Variants in SUPT3H observed in about 807,000 individuals in gnomAD.
SUPT3H encodes SPT3 homolog, SAGA and STAGA complex component, also known as transcription initiation protein SPT3 homolog.
In SUPT3H, 44 loss-of-function variants were observed where a neutral mutation model predicts 44.3. The ratio of observed to expected loss-of-function variants is 0.99; its 90% CI spans 0.78 to 1.28. SUPT3H has a LOEUF of 1.28. SUPT3H is among the 50% of genes most tolerant of loss of function. The pLI is 0.00. For missense variants in SUPT3H, 380 were observed against 387.1 expected (o/e 0.98, Z 0.15); for synonymous variants, 124 against 125.6 (o/e 0.99, Z 0.09).
chr6:45,130,049 C>A (rs765515537), intron 2 of SUPT3H, among the ~76,000 whole-genome samples: 1 of 152,104 alleles, frequency 6.6e-6, no homozygotes, highest in Non-Finnish European at 1.5e-5. Flanking sequence ...ATAAAATTCA[C>A]CCATTTAAAG....
intron 9 of SUPT3H, among the ~76,000 whole-genome samples, chr6:44,934,978 T>C (rs1771178289): frequency 6.6e-6 from 1 of 152,202 alleles, no homozygotes; most frequent in Admixed American, 6.5e-5. Context: ...TTAAATTATA[T>C]TAAAATAAAA....
At chr6:45,286,293 A>G (rs1779254830) in intron 2 of SUPT3H, among the ~76,000 whole-genome samples, 2 of 152,192 alleles carry the variant, frequency 1.3e-5, no homozygotes, top group Admixed American at 1.3e-4. Context: ...AGAATCTACC[A>G]TCAGAGTGAA....
chr6:44,869,393 C>T (rs1338957909), intron 10 of SUPT3H, among the ~76,000 whole-genome samples: 1 of 152,108 alleles, frequency 6.6e-6, no homozygotes, highest in East Asian at 1.9e-4. Flanking sequence ...CTCACTGAGG[C>T]AGAGGTGAAA....
chr6:44,843,353 G>T (rs1273954635), intron 10 of SUPT3H, among the ~76,000 whole-genome samples: 1 of 152,062 alleles, frequency 6.6e-6, no homozygotes, highest in African/African-American at 2.4e-5. Context: ...ATAAAGCAAA[G>T]ATATCTACTC....
intron 2 of SUPT3H, among the ~76,000 whole-genome samples, chr6:45,116,314 A>T (rs1287660032): frequency 6.6e-6 from 1 of 152,150 alleles, no homozygotes; most frequent in Non-Finnish European, 1.5e-5. Flanking sequence ...TTCACCTAGA[A>T]TCACCAATTA....
chr6:45,137,388 C>G (rs994769412), intron 2 of SUPT3H, among the ~76,000 whole-genome samples: 2 of 151,892 alleles, frequency 1.3e-5, no homozygotes, highest in Admixed American at 1.3e-4. Flanking sequence ...GACACTTTTT[C>G]ACATTTCTTC....
At chr6:45,373,675 T>C (rs1462496238) in intron 1 of SUPT3H, among the ~76,000 whole-genome samples, 1 of 152,084 alleles carries the variant, frequency 6.6e-6, no homozygotes, top group Admixed American at 6.5e-5. Flanking sequence ...CTCAGCCTCC[T>C]GAGTACCTGG....
At chr6:45,365,601 C>T (rs188261297) in intron 1 of SUPT3H, among the ~76,000 whole-genome samples, 168 of 149,250 alleles carry the variant, frequency 1.1e-3, no homozygotes, top group African/African-American at 4.0e-3. Context: ...TACTAGAGCT[C>T]ATTGGTTTTC....
chr6:45,109,789 G>A (rs1799782538), intron 2 of SUPT3H, among the ~76,000 whole-genome samples: 1 of 151,878 alleles, frequency 6.6e-6, no homozygotes, highest in Admixed American at 6.6e-5. Flanking sequence ...CTACTTGTAA[G>A]CCACTTAAAG....
chr6:45,086,529 G>A (rs1474677454), intron 3 of SUPT3H, among the ~76,000 whole-genome samples: 1 of 151,930 alleles, frequency 6.6e-6, no homozygotes, highest in Non-Finnish European at 1.5e-5. Flanking sequence ...CAGAGACTAA[G>A]CATACATAAA....
intron 10 of SUPT3H, among the ~76,000 whole-genome samples, chr6:44,846,764 T>G (rs1008223735): frequency 7.9e-5 from 12 of 152,258 alleles, no homozygotes; most frequent in South Asian, 2.1e-4. Flanking sequence ...TCTGAGTAGC[T>G]GGGATTACAG....
chr6:45,286,487 A>G (rs1024463140), intron 2 of SUPT3H, among the ~76,000 whole-genome samples: 21 of 152,362 alleles, frequency 1.4e-4, no homozygotes, highest in Admixed American at 2.6e-4. Flanking sequence ...AGACACGTGA[A>G]AAAATGCTCA....
chr6:44,906,854 A>G (rs1766179188), intron 10 of SUPT3H, among the ~76,000 whole-genome samples: 1 of 152,172 alleles, frequency 6.6e-6, no homozygotes, highest in Admixed American at 6.5e-5. Context: ...GCTCTTGGCC[A>G]TTGTTGTTTT....
At chr6:45,156,568 T>C (rs560898578) in intron 2 of SUPT3H, among the ~76,000 whole-genome samples, 1 of 149,654 alleles carries the variant, frequency 6.7e-6, no homozygotes, top group East Asian at 1.9e-4. Context: ...AATACTAATA[T>C]AATTAATATA....
intron 10 of SUPT3H, among the ~76,000 whole-genome samples, chr6:44,922,938 G>A (rs1244062230): frequency 6.6e-6 from 1 of 151,958 alleles, no homozygotes; most frequent in African/African-American, 2.4e-5. Flanking sequence ...TTTTTTTAAA[G>A]CCATATTTTC....
At chr6:45,287,105 GA>G (rs1367485735) in intron 2 of SUPT3H, among the ~76,000 whole-genome samples, 1 of 152,032 alleles carries the variant, frequency 6.6e-6, no homozygotes, top group Non-Finnish European at 1.5e-5. Flanking sequence ...GGTCGGAGGA[GA>G]GGGGAGGGAT....
chr6:45,160,568 A>G (rs1808782397), intron 2 of SUPT3H, among the ~76,000 whole-genome samples: 1 of 152,114 alleles, frequency 6.6e-6, no homozygotes, highest in Non-Finnish European at 1.5e-5. Context: ...ATATAAGTGA[A>G]TTACGGTGAG....
At chr6:44,905,043 G>C (rs527558381) in intron 10 of SUPT3H, among the ~76,000 whole-genome samples, 3 of 151,982 alleles carry the variant, frequency 2.0e-5, no homozygotes, top group Non-Finnish European at 2.9e-5. Flanking sequence ...AGACTTAAAC[G>C]TTAGACCTAA....
intron 2 of SUPT3H, among the ~76,000 whole-genome samples, chr6:45,241,818 T>C (rs576060191): frequency 6.6e-6 from 1 of 152,234 alleles, no homozygotes; most frequent in East Asian, 1.9e-4. Flanking sequence ...TAAAAACTAC[T>C]AGTTTAAAGA....
Sources: gnomAD v4.1 joint callset for allele counts (sites outside exome capture counted in the v4.1 genomes callset) on GRCh38, gnomAD v4.1.1 for gene constraint, MANE v1.5 for transcripts, NCBI Gene and HGNC (gene_info 2026-07-23, HGNC 2026-07-21) for gene names.